Variants in LRRC40 observed in about 807,000 individuals in gnomAD.
LRRC40 encodes leucine-rich repeat-containing protein 40.
In LRRC40, 76 loss-of-function variants were observed where a neutral mutation model predicts 72.8. The observed-to-expected ratio is 1.04, with a 90% CI of 0.87 to 1.26. LRRC40 has a LOEUF of 1.26. Ranked by LOEUF, LRRC40 falls within the 50% of genes most tolerant of loss-of-function variation. The pLI is 0.00. For synonymous variants in LRRC40, 243 were observed against 254.2 expected, an observed-to-expected ratio of 0.96 and a Z score of 0.42; for missense variants, 684 against 698.9, an observed-to-expected ratio of 0.98 and a Z score of 0.24.
Position 70,189,207 on chromosome 1 carries a change from C to T in LRRC40, c.218G>A (p.Gly73Asp). 6.2e-7 allele frequency: 1 copy of T among 1,612,602 alleles called. No individual in the cohort carries two copies. Among genetic ancestry groups the T allele is most frequent in the African/African-American group, 1.3e-5 (1 of 74,620 alleles). ...CTGCTCCCACCATCTTTCAGTAGCA[C>T]CAAACGAAAGATTCTGATTAGCTTC... ...PEEANQNLSF[G>D]ATERWWEQTD... The change falls in exon 2 of 15, where the codon GGT becomes GAT. Residue 73 changes from glycine (G) to aspartate (D), a missense_variant. Coordinates refer to ENST00000370952, the MANE Select transcript of LRRC40 (RefSeq NM_017768.5).
intron 9 of LRRC40, 78 bp from the exon 10 acceptor site, chr1:70,159,516 CAG>C: frequency 1.6e-6 from 1 of 616,552 alleles, no homozygotes; most frequent in Non-Finnish European, 2.9e-6. Context: ...TATATTAAAA[CAG>C]TGTACGTGAT....
Position 70,151,114 on chromosome 1 carries a change from G to A in LRRC40, c.1517+14C>T. On this transcript the variant is annotated intron_variant, in intron 13 of 14. Coordinates refer to ENST00000370952, the MANE Select transcript of LRRC40 (RefSeq NM_017768.5). Reference sequence around the variant, plus strand: ...TTTCCACAGAATAACAATTAGAATTGTCTGTTCTCTTACCTATTAAAGGAA... The same window carrying A: ...TTTCCACAGAATAACAATTAGAATTATCTGTTCTCTTACCTATTAAAGGAA... The A allele has an allele frequency of 1.4e-6, 2 of 1,411,632 alleles. No individual in the cohort carries two copies. The highest frequency in any genetic ancestry group is 2.0e-6 in the Non-Finnish European group (2 of 1,002,796). 87.4% of individuals were successfully genotyped at this position (1,411,632 alleles called of 1,614,324 possible).
At chr1:70,163,070 T>C (rs1444383829) in intron 9 of LRRC40, among the ~76,000 whole-genome samples, 1 of 150,666 alleles carries the variant, frequency 6.6e-6, no homozygotes, top group African/African-American at 2.5e-5. Flanking sequence ...TCCTTTTTCC[T>C]TTCCTTTTCT....
chr1:70,158,099 C>CAAAAAA (rs35925333), intron 10 of LRRC40, among the ~76,000 whole-genome samples: 3 of 19,218 alleles, frequency 1.6e-4, no homozygotes, highest in Non-Finnish European at 1.9e-4. Context: ...GACCCTGCCT[C>CAAAAAA]AAAAAAAAAA....
intron 9 of LRRC40, among the ~76,000 whole-genome samples, chr1:70,172,735 C>T (rs887819063): frequency 6.6e-6 from 1 of 152,074 alleles, no homozygotes; most frequent in Non-Finnish European, 1.5e-5. Flanking sequence ...CTAAACTACA[C>T]AATTATCTTA....
At chr1:70,161,560 A>AG (rs1446791828) in intron 9 of LRRC40, among the ~76,000 whole-genome samples, 7 of 151,464 alleles carry the variant, frequency 4.6e-5, no homozygotes, top group African/African-American at 9.7e-5. Context: ...AAAAAAAAAA[A>AG]AAAGAAAGAA....
At chr1:70,190,677 T>TAAAAAAAAAA (rs59341874) in intron 1 of LRRC40, among the ~76,000 whole-genome samples, 4,044 of 53,946 alleles carry the variant, frequency 0.075, 304 homozygotes, top group Non-Finnish European at 0.094. Flanking sequence ...ACCCTGTCTC[T>TAAAAAAAAAA]AAAAAAAAAA....
At chr1:70,163,843 T>C (rs1329656638) in intron 9 of LRRC40, among the ~76,000 whole-genome samples, 2 of 152,200 alleles carry the variant, frequency 1.3e-5, no homozygotes, top group Non-Finnish European at 2.9e-5. Flanking sequence ...GTAATTAAGC[T>C]TAATGCCACG....
At chr1:70,183,532 TTC>T (rs931676077) in intron 4 of LRRC40, among the ~76,000 whole-genome samples, 2 of 151,970 alleles carry the variant, frequency 1.3e-5, no homozygotes, top group African/African-American at 4.8e-5. Flanking sequence ...CTTTCTTCCT[TTC>T]TCTCTCTTTC....
At chr1:70,198,251 T>A (rs1381694068) in intron 1 of LRRC40, among the ~76,000 whole-genome samples, 2 of 152,210 alleles carry the variant, frequency 1.3e-5, no homozygotes, top group African/African-American at 4.8e-5. Flanking sequence ...CATATTTCCC[T>A]TTCAAATAAT....
chr1:70,185,323 T>C (rs1182116791), intron 3 of LRRC40, among the ~76,000 whole-genome samples: 2 of 152,236 alleles, frequency 1.3e-5, no homozygotes, highest in African/African-American at 4.8e-5. Flanking sequence ...ACATGTTGTG[T>C]GAGGAACCTG....
At chr1:70,172,253 C>T (rs1464342458) in intron 9 of LRRC40, among the ~76,000 whole-genome samples, 2 of 152,082 alleles carry the variant, frequency 1.3e-5, no homozygotes, top group Non-Finnish European at 2.9e-5. Flanking sequence ...GAACCATGAG[C>T]AATAAATTTC....
intron 1 of LRRC40, among the ~76,000 whole-genome samples, chr1:70,191,079 A>C (rs546784149): frequency 1.3e-5 from 2 of 152,226 alleles, no homozygotes; most frequent in South Asian, 4.1e-4. Flanking sequence ...CAGCCAACAG[A>C]AATGTGGTCA....
chr1:70,158,407 C>A (rs996344901), intron 10 of LRRC40, among the ~76,000 whole-genome samples: 2 of 152,036 alleles, frequency 1.3e-5, no homozygotes, highest in Non-Finnish European at 2.9e-5. Context: ...TGACTTCAGT[C>A]TATATTCTTT....
intron 1 of LRRC40, 102 bp from the exon 2 acceptor site, chr1:70,189,375 T>A: frequency 3.2e-6 from 3 of 946,396 alleles, no homozygotes; most frequent in Non-Finnish European, 4.6e-6. Flanking sequence ...CCATTCCATT[T>A]ATCTATTGAA....
intron 10 of LRRC40, among the ~76,000 whole-genome samples, chr1:70,157,285 A>C (rs557203570): frequency 6.6e-6 from 1 of 152,168 alleles, no homozygotes. Flanking sequence ...GCTCAAGTTC[A>C]TGGGGAACTG....
intron 1 of LRRC40, among the ~76,000 whole-genome samples, chr1:70,191,884 A>T (rs1668508486): frequency 6.6e-6 from 1 of 152,098 alleles, no homozygotes; most frequent in Non-Finnish European, 1.5e-5. Flanking sequence ...AGAGTAGCAT[A>T]ATGAAATCAG....
intron 11 of LRRC40, 72 bp from the exon 12 acceptor site, chr1:70,152,615 A>C: frequency 1.3e-6 from 1 of 767,610 alleles, no homozygotes; most frequent in Non-Finnish European, 2.3e-6. Flanking sequence ...TAAGCAGATC[A>C]AAGGGGGAAA....
intron 9 of LRRC40, among the ~76,000 whole-genome samples, chr1:70,166,104 G>A (rs563724313): frequency 6.6e-6 from 1 of 152,290 alleles, no homozygotes; most frequent in African/African-American, 2.4e-5. Context: ...ACAATTTTAA[G>A]AGTCTTGCCA....
Sources: allele counts gnomAD v4.1 joint callset (sites outside exome capture counted in the v4.1 genomes callset), GRCh38; gene constraint gnomAD v4.1.1; transcripts MANE v1.5; gene names NCBI Gene and HGNC (gene_info 2026-07-23, HGNC 2026-07-21).